The following TIAM1 variants were observed in gnomAD, a reference collection of about 807,000 sequenced individuals.
TIAM1 encodes the protein TIAM Rac1 associated GEF 1, also known as rho guanine nucleotide exchange factor TIAM1.
A neutral mutation model predicts 163.5 loss-of-function variants in TIAM1; 65 were observed. That is an observed-to-expected ratio of 0.40 (90% CI 0.33 to 0.49). The LOEUF (loss-of-function observed/expected upper bound fraction) is 0.49. Among genes scored for constraint, TIAM1 ranks in the 20% least tolerant of loss-of-function variants. TIAM1 has a pLI of 0.77. For synonymous variants in TIAM1, 833 were observed against 810.1 expected, an observed-to-expected ratio of 1.03 and a Z score of -0.48; for missense variants, 1,789 against 2,044.7, an observed-to-expected ratio of 0.87 and a Z score of 2.41.
At chr21:31,332,040 G>T (rs1047242093) in intron 2 of TIAM1, among the ~76,000 whole-genome samples, 1 of 152,008 alleles carries the variant, frequency 6.6e-6, no homozygotes, top group African/African-American at 2.4e-5. Flanking sequence ...TAACAAAATG[G>T]TATATTTTCC....
intron 1 of TIAM1, among the ~76,000 whole-genome samples, chr21:31,549,388 A>C (rs1038396905): frequency 6.6e-6 from 1 of 152,238 alleles, no homozygotes; most frequent in Non-Finnish European, 1.5e-5. Flanking sequence ...ATGACAACGC[A>C]CAGAATGGAG....
chr21:31,192,898 G>A (rs1410399995), intron 13 of TIAM1, among the ~76,000 whole-genome samples: 4 of 152,120 alleles, frequency 2.6e-5, no homozygotes, highest in African/African-American at 2.4e-5. Flanking sequence ...TGAGGACAAC[G>A]TATGGAGTCC....
At position 31,153,112 on chromosome 21, in the gene TIAM1, C is replaced by G. The variant is rs575846401; in HGVS notation, c.3194G>C (p.Arg1065Thr). ...YVKDLNCLME[R>T]YLKPLQKETF... is the part of the protein sequence containing the mutation. ...TTCTTTTTGAAGAGGCTTTAGGTATCTCTCCATAAGACAGTTTAAATCCTA... is the reference window on the plus strand; with the variant it reads ...TTCTTTTTGAAGAGGCTTTAGGTATGTCTCCATAAGACAGTTTAAATCCTA... Residue 1065 changes from arginine to threonine, a missense_variant, in exon 18 of 28, where the codon AGA becomes ACA. By Grantham distance (71) the Arg-to-Thr change is moderately conservative. Around this residue, in one of 5 missense-constraint regions of TIAM1, gnomAD observed 303 missense variants for 321.3 expected, o/e 0.94. Transcript: ENST00000541036. The G allele has an allele frequency of 6.2e-7, 1 of 1,613,162 alleles. No individual in the cohort carries two copies. Among genetic ancestry groups the G allele is most frequent in the Admixed American group, 1.7e-5 (1 of 59,852 alleles).
intron 2 of TIAM1, among the ~76,000 whole-genome samples, chr21:31,388,967 T>C (rs1010707885): frequency 3.3e-5 from 5 of 152,148 alleles, no homozygotes; most frequent in African/African-American, 9.7e-5. Flanking sequence ...CAGAAAACTT[T>C]CTCTGCAAAG....
At chr21:31,265,110 CA>C (rs1357201302) in intron 4 of TIAM1, among the ~76,000 whole-genome samples, 2 of 151,808 alleles carry the variant, frequency 1.3e-5, no homozygotes, top group African/African-American at 4.8e-5. Flanking sequence ...CAAGCCGGCT[CA>C]ACTGCCCAAC....
intron 9 of TIAM1, 25 bp downstream of exon 9, chr21:31,217,528 A>T: frequency 1.2e-6 from 2 of 1,609,074 alleles, no homozygotes; most frequent in Middle Eastern, 1.7e-4. Context: ...GTGCGGGCTC[A>T]CTTTTCATCT....
At chr21:31,542,661 G>A (rs975320353) in intron 1 of TIAM1, among the ~76,000 whole-genome samples, 1 of 152,062 alleles carries the variant, frequency 6.6e-6, no homozygotes, top group Non-Finnish European at 1.5e-5. Flanking sequence ...CTCAGTCCCT[G>A]TGACACTTTT....
chr21:31,213,094 A>G (rs2086972749), intron 10 of TIAM1: 1 of 296,760 alleles, frequency 3.4e-6, no homozygotes, highest in South Asian at 5.5e-5. Flanking sequence ...AGAAATTGGC[A>G]ATGGCATAAA....
chr21:31,269,116 A>G (rs2072930841), intron 3 of TIAM1, among the ~76,000 whole-genome samples: 1 of 152,236 alleles, frequency 6.6e-6, no homozygotes, highest in Admixed American at 6.5e-5. Flanking sequence ...TGACACATAT[A>G]TTTTCAACAA....
chr21:31,390,133 C>A (rs2076944269), intron 2 of TIAM1, among the ~76,000 whole-genome samples: 1 of 152,180 alleles, frequency 6.6e-6, no homozygotes, highest in Non-Finnish European at 1.5e-5. Flanking sequence ...CTTACTCATT[C>A]CTCAGTACCC....
intron 2 of TIAM1, among the ~76,000 whole-genome samples, chr21:31,371,521 T>G (rs1245452002): frequency 2.0e-5 from 3 of 152,236 alleles, no homozygotes; most frequent in African/African-American, 7.2e-5. Context: ...TGACAATTTG[T>G]TCCTGCATGT....
At chr21:31,544,842 T>A (rs2048437898) in intron 1 of TIAM1, among the ~76,000 whole-genome samples, 1 of 151,858 alleles carries the variant, frequency 6.6e-6, no homozygotes, top group Non-Finnish European at 1.5e-5. Context: ...TGAAACCCCA[T>A]CTCTACTAAA....
intron 2 of TIAM1, among the ~76,000 whole-genome samples, chr21:31,303,336 CA>C (rs2074572369): frequency 6.6e-6 from 1 of 152,178 alleles, no homozygotes; most frequent in African/African-American, 2.4e-5. Context: ...CCCCCACACA[CA>C]AAGAATCAGC....
chr21:31,200,356 A>G (rs2086132197), intron 12 of TIAM1, among the ~76,000 whole-genome samples: 1 of 152,208 alleles, frequency 6.6e-6, no homozygotes, highest in Non-Finnish European at 1.5e-5. Flanking sequence ...AAAAAGTGAT[A>G]TCTTTATATT....
chr21:31,152,021 C>CTT (rs754817467), intron 19 of TIAM1, among the ~76,000 whole-genome samples: 18 of 112,298 alleles, frequency 1.6e-4, no homozygotes, highest in East Asian at 5.1e-4. Flanking sequence ...CCAGAAGTGC[C>CTT]TTTTTTTTTT....
chr21:31,526,689 TTC>T, intron 1 of TIAM1, among the ~76,000 whole-genome samples: 1 of 152,154 alleles, frequency 6.6e-6, no homozygotes, highest in South Asian at 2.1e-4. Context: ...AAAAGCTGTA[TTC>T]TCTTTTTTTG....
chr21:31,120,395 G>C lies in TIAM1; in HGVS notation c.4749C>G (p.Pro1583=). 6.2e-7 allele frequency: 1 copy of C among 1,611,634 alleles called. No homozygotes were observed. The highest frequency in any genetic ancestry group is 8.5e-7 in the Non-Finnish European group (1 of 1,178,544). ...VIWVRREDFA[P]SRKLNTEI is the part of the protein sequence containing the mutation. ...AGATCTCAGTGTTCAGTTTCCTGGA[G>C]GGGGCAAAGTCTTCACGCCTAACCC... is the stretch of plus-strand genomic sequence containing the variant. The change falls in exon 28 of 28, where the codon CCC becomes CCG. Residue 1583 remains proline, a synonymous_variant. Transcript: ENST00000541036. This position sits in a 1 kb window ranked among gnomAD's most constrained non-coding sequence, Gnocchi z 4.2.
intron 2 of TIAM1, among the ~76,000 whole-genome samples, chr21:31,428,859 G>A (rs2043893866): frequency 6.6e-6 from 1 of 151,152 alleles, no homozygotes; most frequent in African/African-American, 2.4e-5. Context: ...CTCCAGCCTG[G>A]GTGACAGAGC....
chr21:31,446,270 A>C (rs1448338236), intron 2 of TIAM1, among the ~76,000 whole-genome samples: 1 of 152,082 alleles, frequency 6.6e-6, no homozygotes, highest in Non-Finnish European at 1.5e-5. Flanking sequence ...TTACCCTACC[A>C]TTGGCTGAAA....
Sources: allele counts gnomAD v4.1 joint callset (sites outside exome capture counted in the v4.1 genomes callset), GRCh38; gene constraint gnomAD v4.1.1; regional missense constraint gnomAD v4.1.1; non-coding constraint Gnocchi (gnomAD v3.1); transcripts MANE v1.5; gene names NCBI Gene and HGNC (gene_info 2026-07-23, HGNC 2026-07-21).